GCH1: variants seen among roughly 807,000 people sequenced by gnomAD.
The protein encoded by GCH1 is GTP cyclohydrolase I.
GCH1 carries 5 observed loss-of-function variants against 25.9 expected under a neutral mutation model. The observed-to-expected ratio is 0.19, with a 90% CI of 0.10 to 0.41. GCH1 has a LOEUF of 0.41. Among genes scored for constraint, GCH1 ranks in the 10% least tolerant of loss-of-function variants. GCH1 has a pLI of 1.00. For synonymous variants in GCH1, 159 were observed against 129.6 expected (o/e 1.23, Z -1.54); for missense variants, 261 against 336.5 (o/e 0.78, Z 1.75).
rs539664041 is a variant in GCH1, at chr14:54,878,828, A to G, written c.344-13392T>C. Among the ~76,000 whole-genome samples the G allele has an allele frequency of 4.6e-5, 7 of 152,206 alleles. No individual in the cohort carries two copies. In the South Asian group the frequency reaches 1.5e-3, roughly 32 times the overall value. On this transcript the variant is annotated intron_variant, in intron 1 of 5. Coordinates refer to ENST00000491895, the MANE Select transcript of GCH1 (RefSeq NM_000161.3). ...ACCCAGGCTGGAGTGCAGCAGTGCA[A>G]TCACCACTCATTGTAGCCTCCATCT...
intron 3 of GCH1, among the ~76,000 whole-genome samples, chr14:54,850,440 G>A (rs2140049059): frequency 6.6e-6 from 1 of 150,384 alleles, no homozygotes; most frequent in South Asian, 2.1e-4. Flanking sequence ...AGCCTCCCAA[G>A]TAGCTGGGAT....
intron 2 of GCH1, among the ~76,000 whole-genome samples, chr14:54,862,886 C>T (rs1054413310): frequency 1.3e-5 from 2 of 151,908 alleles, no homozygotes; most frequent in African/African-American, 4.8e-5. Context: ...AACAGCTGGC[C>T]TATTTTCTTT....
At chr14:54,846,994 C>T in intron 4 of GCH1, 105 bp downstream of exon 4, 1 of 512,828 alleles carries the variant, frequency 1.9e-6, no homozygotes, top group East Asian at 4.0e-5. Flanking sequence ...TGCACCACTG[C>T]ACTCCAGCCT....
At position 54,843,257 on chromosome 14, in the gene GCH1, A is replaced by G; in HGVS notation, c.*760T>C. 1 of 1,388,692 alleles carries G rather than the reference A, an allele frequency of 7.2e-7. No individual in the cohort carries two copies. Among genetic ancestry groups the G allele is most frequent in the South Asian group, 1.8e-5 (1 of 54,058 alleles). The allele number at this position is 1,388,692 out of a possible 1,614,324, so 86.0% of individuals were successfully genotyped here. ...AGTCTCATAAAATAATGGCTTTTTT[A>G]AAAAGGCAAAAGTATCTACACTCTA... On this transcript the variant is annotated 3_prime_UTR_variant, in exon 6 of 6. Coordinates refer to ENST00000491895, the MANE Select transcript of GCH1 (RefSeq NM_000161.3).
chr14:54,885,969 G>A (rs954047269), intron 1 of GCH1: 2 of 270,152 alleles, frequency 7.4e-6, no homozygotes, highest in Non-Finnish European at 1.5e-5. Context: ...GGACCTGCTG[G>A]AGACTATCAG....
chr14:54,870,206 A>T (rs922297071), intron 1 of GCH1, among the ~76,000 whole-genome samples: 4 of 152,074 alleles, frequency 2.6e-5, no homozygotes, highest in Non-Finnish European at 5.9e-5. Flanking sequence ...AACTTCAAAC[A>T]TAATTTTTAG....
At chr14:54,870,076 G>T (rs1052605014) in intron 1 of GCH1, among the ~76,000 whole-genome samples, 1 of 152,070 alleles carries the variant, frequency 6.6e-6, no homozygotes, top group African/African-American at 2.4e-5. Context: ...TTGGGTGATG[G>T]AAATAGTTCC....
chr14:54,875,404 T>C (rs988716814), intron 1 of GCH1, among the ~76,000 whole-genome samples: 7 of 152,136 alleles, frequency 4.6e-5, no homozygotes, highest in African/African-American at 2.4e-5. Context: ...ATTCAGGACA[T>C]AGGCATGGGC....
rs748666093 is a variant in GCH1, at chr14:54,902,434, G to C, written c.230C>G (p.Ser77Cys). 1.2e-6 allele frequency: 2 copies of C among 1,613,020 alleles called. No homozygotes were observed. Among genetic ancestry groups the C allele is most frequent in the East Asian group, 2.2e-5 (1 of 44,848 alleles). The change falls in exon 1 of 6, where the codon TCC becomes TGC. Residue 77 changes from serine (S) to cysteine (C), a missense_variant. This residue lies in a region of GCH1 where 125 missense variants were observed against 128.7 expected (regional missense o/e 0.97). Transcript: ENST00000491895. ...NLPNLAAAYS[S>C]ILSSLGENPQ... ...GTTCTCGCCCAGCGAGCTCAGGATG[G>C]ACGAGTAGGCGGCTGCCAGGTTAGG...
At chr14:54,892,812 C>T (rs1458374283) in intron 1 of GCH1, among the ~76,000 whole-genome samples, 1 of 152,208 alleles carries the variant, frequency 6.6e-6, no homozygotes, top group Non-Finnish European at 1.5e-5. Context: ...GGTGCGGTGG[C>T]TCATGCCTGT....
At position 54,902,642 on chromosome 14, in the gene GCH1, C is replaced by A. The variant is rs529381971; in HGVS notation, c.22G>T (p.Ala8Ser). 1.1e-5 allele frequency: 17 copies of A among 1,483,228 alleles called. No individual in the cohort carries two copies. In the South Asian group the frequency reaches 2.1e-4, roughly 18 times the overall value. 91.9% of individuals were successfully genotyped at this position (1,483,228 alleles called of 1,614,324 possible). ...GCGCCCCGCGGCTTCTCCGCCGGTG[C>A]CCGCACAGGGCCCTTCTCCATGGAC... MEKGPVR[A>S]PAEKPRGARC... is the part of the protein sequence containing the mutation. The change falls in exon 1 of 6, where the codon GCA (alanine) becomes TCA (serine). Residue 8 changes from alanine (A) to serine (S), a missense_variant. Physicochemically the swap from Ala to Ser is moderately conservative, Grantham distance 99. Around this residue, in one of 3 missense-constraint regions of GCH1, gnomAD observed 125 missense variants for 128.7 expected, o/e 0.97. Coordinates refer to ENST00000491895, the MANE Select transcript of GCH1 (RefSeq NM_000161.3).
intron 3 of GCH1, 35 bp downstream of exon 3, chr14:54,859,646 A>G: frequency 3.2e-6 from 4 of 1,240,452 alleles, no homozygotes; most frequent in Non-Finnish European, 4.8e-6. Flanking sequence ...GGTCCTATAA[A>G]CCTGTATTCT....
At chr14:54,851,944 C>T (rs930021477) in intron 3 of GCH1, among the ~76,000 whole-genome samples, 1 of 152,210 alleles carries the variant, frequency 6.6e-6, no homozygotes. Context: ...TGCAGCACTA[C>T]TCACAATAGT....
intron 1 of GCH1, among the ~76,000 whole-genome samples, chr14:54,871,413 A>G (rs953086683): frequency 4.6e-5 from 7 of 152,204 alleles, no homozygotes; most frequent in Non-Finnish European, 8.8e-5. Flanking sequence ...CAGAGCAGAA[A>G]AACTGGAAAC....
intron 1 of GCH1, among the ~76,000 whole-genome samples, chr14:54,889,837 T>G (rs1203344179): frequency 6.6e-6 from 1 of 152,102 alleles, no homozygotes; most frequent in Non-Finnish European, 1.5e-5. Context: ...TGCACTAAAC[T>G]ATGCACTAAA....
intron 1 of GCH1, among the ~76,000 whole-genome samples, chr14:54,892,427 G>A (rs892941475): frequency 2.6e-5 from 4 of 152,196 alleles, no homozygotes; most frequent in Non-Finnish European, 5.9e-5. Flanking sequence ...GGTGGCTCAC[G>A]CCTGTAATCC....
chr14:54,849,703 T>C (rs79280041), intron 3 of GCH1, among the ~76,000 whole-genome samples: 3,814 of 152,312 alleles, frequency 0.025, 154 homozygotes, highest in African/African-American at 0.087. Flanking sequence ...ATTGCCTCTG[T>C]TATCTCCAGG....
intron 1 of GCH1, chr14:54,885,686 C>T (rs534215097): frequency 1.0e-4 from 22 of 214,284 alleles, no homozygotes; most frequent in East Asian, 7.3e-4. Flanking sequence ...GTCAGGAGTT[C>T]GAGGCCAGCC....
rs1462229139 is a variant in GCH1 at position 54,858,129 on chromosome 14, G to A, written c.509+1552C>T. Among the ~76,000 whole-genome samples, 4 of 133,834 alleles carry A rather than the reference G, an allele frequency of 3.0e-5. No individual in the cohort carries two copies. The East Asian group carries it at 8.8e-4, about 30-fold the overall frequency. 87.8% of individuals were successfully genotyped at this position (133,834 alleles called of 152,430 possible). On this transcript the variant is annotated intron_variant, in intron 3 of 5. Transcript: ENST00000491895. ...TTAGAGGGCAGTTGTCAGATTGCTGGAGTAGTTTTTTTTTTACAGATTCCA... is the reference window on the plus strand; with the variant it reads ...TTAGAGGGCAGTTGTCAGATTGCTGAAGTAGTTTTTTTTTTACAGATTCCA...
Sources: gnomAD v4.1 joint callset for allele counts (sites outside exome capture counted in the v4.1 genomes callset) on GRCh38, gnomAD v4.1.1 for gene constraint, gnomAD v4.1.1 regional missense constraint, MANE v1.5 for transcripts, NCBI Gene and HGNC (gene_info 2026-07-23, HGNC 2026-07-21) for gene names.